Variants in DCP1A observed in about 807,000 individuals in gnomAD.
The protein encoded by DCP1A is decapping mRNA 1A.
DCP1A carries 20 observed loss-of-function variants against 58.0 expected under a neutral mutation model. That is an observed-to-expected ratio of 0.34 (90% CI 0.24 to 0.50). DCP1A has a LOEUF of 0.50. Ranked by LOEUF, DCP1A falls within the 20% of genes least tolerant of loss-of-function variation. The pLI is 0.98. For synonymous variants in DCP1A, 285 were observed against 275.1 expected, an observed-to-expected ratio of 1.04 and a Z score of -0.36; for missense variants, 613 against 712.2, an observed-to-expected ratio of 0.86 and a Z score of 1.59.
intron 1 of DCP1A, among the ~76,000 whole-genome samples, chr3:53,345,946 G>A (rs1553693096): frequency 6.6e-6 from 1 of 152,082 alleles, no homozygotes; most frequent in African/African-American, 2.4e-5. Context: ...AAAGATTTTT[G>A]TCATGCTCTA....
intron 6 of DCP1A, among the ~76,000 whole-genome samples, chr3:53,300,440 C>T (rs1217598232): frequency 2.0e-5 from 3 of 150,838 alleles, no homozygotes; most frequent in African/African-American, 2.4e-5. Context: ...CGGGTTCAAG[C>T]GATTCTCCTG....
chr3:53,338,758 G>GTCCCA (rs1289393093), intron 3 of DCP1A, among the ~76,000 whole-genome samples: 5 of 151,666 alleles, frequency 3.3e-5, no homozygotes, highest in Admixed American at 2.0e-4. Flanking sequence ...CTACTCGGGA[G>GTCCCA]GCTGAGGCAG....
intron 7 of DCP1A, 44 bp from the exon 8 acceptor site, chr3:53,290,900 CAATT>C (rs782190499): frequency 6.0e-5 from 91 of 1,514,950 alleles, no homozygotes; most frequent in Non-Finnish European, 7.9e-5. Flanking sequence ...TAAGAAGTTT[CAATT>C]AAGAAGACTT....
intron 4 of DCP1A, among the ~76,000 whole-genome samples, chr3:53,315,770 T>TTTTA (rs1707791323): frequency 1.4e-5 from 2 of 144,690 alleles, no homozygotes; most frequent in African/African-American, 5.2e-5. Flanking sequence ...TTTTTTTTTT[T>TTTTA]TGAGACGGAG....
intron 3 of DCP1A, among the ~76,000 whole-genome samples, chr3:53,334,104 A>G (rs77620093): frequency 1.3e-5 from 2 of 152,138 alleles, no homozygotes; most frequent in African/African-American, 4.8e-5. Context: ...TCTACAAAAA[A>G]TAAAAACGTA....
intron 3 of DCP1A, among the ~76,000 whole-genome samples, chr3:53,336,638 A>C (rs1267922384): frequency 4.6e-5 from 7 of 152,122 alleles, no homozygotes; most frequent in South Asian, 2.1e-4. Context: ...TGGCTGGGCT[A>C]AGAATGTATC....
intron 3 of DCP1A, among the ~76,000 whole-genome samples, chr3:53,334,707 C>T (rs946335866): frequency 1.3e-5 from 2 of 152,134 alleles, no homozygotes; most frequent in Admixed American, 6.5e-5. Flanking sequence ...TCATGTTATA[C>T]TGTGGAGCGT....
At chr3:53,296,978 G>A (rs1707147455) in intron 6 of DCP1A, among the ~76,000 whole-genome samples, 2 of 152,082 alleles carry the variant, frequency 1.3e-5, no homozygotes, top group Non-Finnish European at 2.9e-5. Flanking sequence ...TTTCCATAGT[G>A]CCTGAACCAT....
chr3:53,344,158 G>C (rs1385118031), intron 2 of DCP1A, among the ~76,000 whole-genome samples: 3 of 151,586 alleles, frequency 2.0e-5, no homozygotes, highest in African/African-American at 4.8e-5. Flanking sequence ...AAAGGGAAAA[G>C]ACCAGATATC....
chr3:53,312,224 T>C lies in DCP1A; in HGVS notation c.510+17A>G, dbSNP rs532077773. The C allele has an allele frequency of 8.9e-6, 14 of 1,568,948 alleles. 1 individual carries two copies. In the Admixed American group the frequency reaches 2.5e-4, roughly 28 times the overall value. ...TGGTCTTCCCTGGTCAGCACCCAAGTACCCAGAGAGCCTCACCCTCTCATA... is the reference window on the plus strand; with the variant it reads ...TGGTCTTCCCTGGTCAGCACCCAAGCACCCAGAGAGCCTCACCCTCTCATA... On this transcript the variant is annotated intron_variant, in intron 5 of 9. Coordinates refer to ENST00000610213, the MANE Select transcript of DCP1A (RefSeq NM_018403.7).
At chr3:53,339,851 G>A (rs1378605965) in intron 3 of DCP1A, among the ~76,000 whole-genome samples, 1 of 152,160 alleles carries the variant, frequency 6.6e-6, no homozygotes, top group Non-Finnish European at 1.5e-5. Flanking sequence ...TTTCCAGGCA[G>A]TAAAGAACAG....
intron 1 of DCP1A, among the ~76,000 whole-genome samples, chr3:53,346,065 G>T (rs1329159479): frequency 6.6e-6 from 1 of 152,006 alleles, no homozygotes; most frequent in Non-Finnish European, 1.5e-5. Flanking sequence ...TTAAAATATT[G>T]AAAGCCTTTG....
intron 7 of DCP1A, among the ~76,000 whole-genome samples, 181 bp downstream of exon 7, chr3:53,291,888 T>C (rs782596406): frequency 1.3e-5 from 2 of 152,136 alleles, no homozygotes; most frequent in African/African-American, 2.4e-5. Flanking sequence ...TAGGAAAATA[T>C]AAATTACTTG....
At chr3:53,346,642 C>G (rs2089295148) in intron 1 of DCP1A, among the ~76,000 whole-genome samples, 1 of 152,196 alleles carries the variant, frequency 6.6e-6, no homozygotes, top group Non-Finnish European at 1.5e-5. Context: ...CTGAATGTGA[C>G]TTTTCGGACC....
chr3:53,325,668 C>T (rs1708085895), intron 3 of DCP1A, among the ~76,000 whole-genome samples: 1 of 152,120 alleles, frequency 6.6e-6, no homozygotes, highest in East Asian at 1.9e-4. Flanking sequence ...AAGGCAAATA[C>T]CTCTGCCTCA....
At chr3:53,312,529 A>G (rs1707681110) in intron 4 of DCP1A, 150 bp from the exon 5 acceptor site, 3 of 741,654 alleles carry the variant, frequency 4.0e-6, no homozygotes, top group Non-Finnish European at 6.0e-6. Context: ...GGAGTCTCGC[A>G]CTGTCGCCCA....
intron 6 of DCP1A, among the ~76,000 whole-genome samples, chr3:53,302,152 G>A (rs1707329570): frequency 6.6e-6 from 1 of 152,176 alleles, no homozygotes; most frequent in Non-Finnish European, 1.5e-5. Context: ...TGAACAACAT[G>A]TGTGGATTGT....
chr3:53,344,842 C>T (rs979634094), intron 2 of DCP1A, 60 bp downstream of exon 2: 18 of 1,261,216 alleles, frequency 1.4e-5, no homozygotes, highest in Admixed American at 6.1e-5. Context: ...AGAATTGAAC[C>T]GTTTCACATT....
intron 5 of DCP1A, 69 bp from the exon 6 acceptor site, chr3:53,304,359 G>T (rs1707404461): frequency 1.9e-6 from 2 of 1,027,146 alleles, no homozygotes; most frequent in Non-Finnish European, 2.9e-6. Context: ...TCACAAAACA[G>T]CATCTGAGGT....
Sources: allele counts gnomAD v4.1 joint callset (sites outside exome capture counted in the v4.1 genomes callset), GRCh38; gene constraint gnomAD v4.1.1; transcripts MANE v1.5; gene names NCBI Gene and HGNC (gene_info 2026-07-23, HGNC 2026-07-21).